Variants in TPR observed in about 807,000 individuals in gnomAD.
The protein encoded by TPR is translocated promoter region, nuclear basket protein.
TPR carries 51 observed loss-of-function variants against 316.1 expected under a neutral mutation model. The observed-to-expected ratio is 0.16, with a 90% CI of 0.13 to 0.20. The LOEUF is 0.20. TPR is among the 10% of genes least tolerant of loss of function. The pLI is 1.00. For missense variants in TPR, 2,272 were observed against 2,754.8 expected, an observed-to-expected ratio of 0.82 and a Z score of 3.92; for synonymous variants, 981 against 914.7, an observed-to-expected ratio of 1.07 and a Z score of -1.31.
intron 30 of TPR, 90 bp from the exon 31 acceptor site, chr1:186,338,333 T>A: frequency 9.2e-7 from 1 of 1,087,022 alleles, no homozygotes; most frequent in Non-Finnish European, 1.3e-6. Flanking sequence ...TATACTGCTT[T>A]AATAACTTTT....
In TPR at chr1:186,335,149, G is replaced by C. The variant is rs745692898; in HGVS notation, c.4912-20C>G. 32 of 1,602,116 alleles carry C rather than the reference G, an allele frequency of 2.0e-5. No homozygotes were observed. Among genetic ancestry groups the C allele is most frequent in the Non-Finnish European group, 2.3e-5 (27 of 1,176,168 alleles). ...AGGGACCTATAAAGAGAAAGCTCTT[G>C]ATTGTTGTTCCTAGCCCACAAGAGT... On this transcript the variant is annotated intron_variant, in intron 34 of 50. Coordinates refer to ENST00000367478, the MANE Select transcript of TPR (RefSeq NM_003292.3).
chr1:186,319,994 G>A (rs542425537), intron 46 of TPR, among the ~76,000 whole-genome samples: 1 of 152,016 alleles, frequency 6.6e-6, no homozygotes, highest in East Asian at 1.9e-4. Context: ...CTTTAAAATG[G>A]CTAGTAGTAC....
At chr1:186,344,641 T>C in intron 24 of TPR, 63 bp from the exon 25 acceptor site, 1 of 1,281,356 alleles carries the variant, frequency 7.8e-7, no homozygotes, top group Non-Finnish European at 1.0e-6. Context: ...AGTTAGCACT[T>C]GTCCAAAGAT....
rs746584844 is a variant in TPR, at chr1:186,341,433, T to C, written c.3751-44A>G. The C allele has an allele frequency of 4.0e-5, 64 of 1,585,422 alleles. No individual in the cohort carries two copies. In the South Asian group the frequency reaches 6.5e-4, roughly 16 times the overall value. ...TATACATACCAACATCTAACAATAGTTGAAAGTCTACCTGTTCCTATGAGC... is the reference window on the plus strand; with the variant it reads ...TATACATACCAACATCTAACAATAGCTGAAAGTCTACCTGTTCCTATGAGC... On this transcript the variant is annotated intron_variant, in intron 27 of 50. Coordinates refer to ENST00000367478, the MANE Select transcript of TPR (RefSeq NM_003292.3).
Position 186,327,577 on chromosome 1 carries a change from T to C in TPR, c.5772A>G (p.Gln1924=), listed in dbSNP as rs750713492. 12 of 1,612,906 alleles carry C rather than the reference T, an allele frequency of 7.4e-6. No individual in the cohort carries two copies. Among genetic ancestry groups the C allele is most frequent in the East Asian group, 2.2e-5 (1 of 44,764 alleles). ...QSLQIDLGPL[Q]SDQQTTTSSQ... ...ATGAAGTTGTCGTCTGCTGATCTGA[T>C]TGAAGTGGCCCAAGATCTATTTGTA... The change falls in exon 40 of 51, where the codon CAA becomes CAG. Residue 1924 remains glutamine, a synonymous_variant. Coordinates refer to ENST00000367478, the MANE Select transcript of TPR (RefSeq NM_003292.3).
intron 45 of TPR, among the ~76,000 whole-genome samples, 186 bp downstream of exon 45, chr1:186,322,132 T>G (rs759985616): frequency 1.3e-5 from 2 of 152,200 alleles, no homozygotes; most frequent in African/African-American, 4.8e-5. Context: ...GAAGTAACTG[T>G]ATGTCATTCA....
Position 186,357,495 on chromosome 1 carries a change from A to G in TPR, c.1626T>C (p.Asn542=). Residue 542 remains asparagine, a synonymous_variant, in exon 14 of 51, where the codon AAT becomes AAC. Transcript: ENST00000367478. ...VISQHLVSYR[N]IEELQQQNQR... is the part of the protein sequence containing the mutation. ...GATTTTGTTGTTGAAGCTCTTCAAT[A>G]TTTCTGTAAGATACTAGATGCTGTG... The G allele has an allele frequency of 1.2e-6, 2 of 1,614,068 alleles. No individual in the cohort carries two copies. The highest frequency in any genetic ancestry group is 1.1e-5 in the South Asian group (1 of 91,076).
chr1:186,358,580 C>A lies in TPR; in HGVS notation c.1460G>T (p.Arg487Leu), dbSNP rs754553050. The change falls in exon 13 of 51, where the codon CGA becomes CTA. Residue 487 changes from arginine to leucine, a missense_variant. By Grantham distance (102) the Arg-to-Leu change is moderately radical. This residue lies in a region of TPR where 549 missense variants were observed against 598.6 expected (regional missense o/e 0.92). Coordinates refer to ENST00000367478, the MANE Select transcript of TPR (RefSeq NM_003292.3). ...KQSSVLERDN[R>L]RMEIQVKDLS... ...ATCTTTTACTTGTATTTCCATTCTT[C>A]GATTATCTCTCTCAAGTACAGATGA... 1.2e-6 allele frequency: 2 copies of A among 1,611,070 alleles called. No individual in the cohort carries two copies. The highest frequency in any genetic ancestry group is 1.3e-5 in the African/African-American group (1 of 74,844).
chr1:186,324,807 AGAAG>A (rs573275644), intron 42 of TPR, among the ~76,000 whole-genome samples: 71 of 145,880 alleles, frequency 4.9e-4, no homozygotes, highest in African/African-American at 1.7e-3. Flanking sequence ...AATAGGAAAA[AGAAG>A]GAAGGAAGGA....
intron 40 of TPR, among the ~76,000 whole-genome samples, chr1:186,326,633 C>T (rs1291419453): frequency 1.3e-5 from 2 of 150,718 alleles, no homozygotes; most frequent in Non-Finnish European, 3.0e-5. Context: ...AGGATTAAAC[C>T]CCAAAATAAA....
At chr1:186,361,985 A>G (rs901660041) in intron 7 of TPR, 116 bp from the exon 8 acceptor site, 9 of 897,588 alleles carry the variant, frequency 1.0e-5, no homozygotes, top group African/African-American at 1.7e-5. Context: ...TAAAACACTC[A>G]AATTCAAATC....
chr1:186,326,150 G>C lies in TPR; in HGVS notation c.5975C>G (p.Thr1992Ser). 1.2e-6 allele frequency: 2 copies of C among 1,612,432 alleles called. No individual in the cohort carries two copies. The highest frequency in any genetic ancestry group is 1.7e-6 in the Non-Finnish European group (2 of 1,178,576). ...GDEGEDSNEG[T>S]GSADGNDGYE... is the part of the protein sequence containing the mutation. ...ACCATCATTGCCATCGGCACTACCA[G>C]TTCCTTCATTACTATCTTCACCCTC... The change falls in exon 41 of 51, where the codon ACT (threonine) becomes AGT (serine). Residue 1992 changes from threonine to serine, a missense_variant. Transcript: ENST00000367478.
At chr1:186,332,979 A>G in intron 37 of TPR, 143 bp downstream of exon 37, 1 of 973,772 alleles carries the variant, frequency 1.0e-6, no homozygotes, top group East Asian at 2.7e-5. Context: ...TGTGATACGT[A>G]TTATATCCAA....
Position 186,335,536 on chromosome 1 carries a change from T to C in TPR, c.4713A>G (p.Lys1571=). Residue 1571 remains lysine (K), a synonymous_variant, in exon 34 of 51, where the codon AAA becomes AAG. Transcript: ENST00000367478. ...CCTCATTTTCTTTAGTTAGCTGATC[T>C]TTTACACCTAAAGAAGTAACCAGGC... is the stretch of plus-strand genomic sequence containing the variant. ...KSKIAHLAGV[K]DQLTKENEEL... is the part of the protein sequence containing the mutation. The C allele has an allele frequency of 6.3e-7, 1 of 1,597,196 alleles. No homozygotes were observed. The highest frequency in any genetic ancestry group is 8.5e-7 in the Non-Finnish European group (1 of 1,173,998).
At chr1:186,324,024 T>C (rs16825179) in intron 42 of TPR, among the ~76,000 whole-genome samples, 154 bp from the exon 43 acceptor site, 6,881 of 152,144 alleles carry the variant, frequency 0.045, 512 homozygotes, top group African/African-American at 0.16. Flanking sequence ...CAAATGTGGG[T>C]TTTACACCCA....
chr1:186,343,297 A>C (rs371546532), intron 27 of TPR, 29 bp downstream of exon 27: 10 of 1,592,104 alleles, frequency 6.3e-6, no homozygotes, highest in African/African-American at 2.7e-5. Context: ...TGATTTAACA[A>C]GTGCTTTCTT....
At chr1:186,349,012 C>T (rs1022591039) in intron 21 of TPR, among the ~76,000 whole-genome samples, 1 of 152,186 alleles carries the variant, frequency 6.6e-6, no homozygotes, top group Admixed American at 6.5e-5. Context: ...TGCTTCTCTA[C>T]TCCCAGTGGG....
chr1:186,370,066 T>C (rs1659475900), intron 3 of TPR, among the ~76,000 whole-genome samples: 2 of 152,184 alleles, frequency 1.3e-5, no homozygotes, highest in Admixed American at 1.3e-4. Flanking sequence ...CCTTTTATTC[T>C]CTGTACTGAT....
chr1:186,311,656 CATTT>C lies in TPR; in HGVS notation c.*2311_*2314del. ...TTTAAAGAATTACACTCAGCATTTT[CATTT>C]ATTATTGACTTTACTGTCAAAAGAT... On this transcript the variant is annotated 3_prime_UTR_variant, in exon 51 of 51. Coordinates refer to ENST00000367478, the MANE Select transcript of TPR (RefSeq NM_003292.3). 1 of 1,505,726 alleles carries C rather than the reference CATTT, an allele frequency of 6.6e-7. No individual in the cohort carries two copies. Among genetic ancestry groups the C allele is most frequent in the South Asian group, 1.1e-5 (1 of 87,548 alleles). 93.3% of individuals were successfully genotyped at this position (1,505,726 alleles called of 1,614,324 possible).
Sources: gnomAD v4.1 joint callset for allele counts (sites outside exome capture counted in the v4.1 genomes callset) on GRCh38, gnomAD v4.1.1 for gene constraint, gnomAD v4.1.1 regional missense constraint, MANE v1.5 for transcripts, NCBI Gene and HGNC (gene_info 2026-07-23, HGNC 2026-07-21) for gene names.